CDH4: variants seen among roughly 807,000 people sequenced by gnomAD.
CDH4 encodes the protein cadherin 4, also known as cadherin-4.
In CDH4, 33 loss-of-function variants were observed where a neutral mutation model predicts 86.0. The ratio of observed to expected loss-of-function variants is 0.38; its 90% CI spans 0.29 to 0.51. The LOEUF (loss-of-function observed/expected upper bound fraction) is 0.51, where lower values mean the gene tolerates loss of function less well. CDH4 is among the 20% of genes least tolerant of loss of function. CDH4 has a pLI of 0.86. For synonymous variants in CDH4, 555 were observed against 549.4 expected (o/e 1.01, Z -0.14); for missense variants, 1,114 against 1,307.4 (o/e 0.85, Z 2.28).
At chr20:61,539,462 C>T (rs531011985) in intron 2 of CDH4, among the ~76,000 whole-genome samples, 3 of 152,326 alleles carry the variant, frequency 2.0e-5, no homozygotes, top group South Asian at 2.1e-4. Context: ...TGTGTCCTCA[C>T]GGAGTCGTCC....
intron 1 of CDH4, among the ~76,000 whole-genome samples, chr20:61,253,645 G>C (rs904689591): frequency 6.6e-6 from 1 of 152,184 alleles, no homozygotes. Flanking sequence ...GTGCGATTTG[G>C]AGCTTCGTGG....
chr20:61,296,273 G>A (rs1600843707), intron 2 of CDH4, among the ~76,000 whole-genome samples: 1 of 6,052 alleles, frequency 1.7e-4, no homozygotes, highest in Non-Finnish European at 1.0e-3. Flanking sequence ...GTGTGTGTGT[G>A]TGCGTGGGTG....
intron 3 of CDH4, among the ~76,000 whole-genome samples, chr20:61,746,054 G>C (rs1003347284): frequency 1.3e-5 from 2 of 152,086 alleles, no homozygotes; most frequent in African/African-American, 4.8e-5. Flanking sequence ...TCATGTCCCA[G>C]GCTCAGCGCA....
At chr20:61,340,292 G>A (rs1327253515) in intron 2 of CDH4, among the ~76,000 whole-genome samples, 3 of 152,202 alleles carry the variant, frequency 2.0e-5, no homozygotes, top group South Asian at 2.1e-4. Context: ...GGGAGATGGT[G>A]TTAGGTGAAC....
intron 4 of CDH4, among the ~76,000 whole-genome samples, chr20:61,777,985 C>T (rs969081653): frequency 5.9e-5 from 9 of 152,222 alleles, no homozygotes; most frequent in African/African-American, 1.7e-4. Flanking sequence ...CATCCACATG[C>T]ACACACACGT....
chr20:61,845,375 G>A (rs1165751855), intron 5 of CDH4, among the ~76,000 whole-genome samples: 1 of 152,264 alleles, frequency 6.6e-6, no homozygotes, highest in African/African-American at 2.4e-5. Flanking sequence ...TGCACGGAAA[G>A]AAATGCTAGA....
intron 2 of CDH4, among the ~76,000 whole-genome samples, chr20:61,398,749 G>T (rs2085032926): frequency 6.6e-6 from 1 of 152,190 alleles, no homozygotes; most frequent in Non-Finnish European, 1.5e-5. Context: ...GGGTACTGTG[G>T]CCTAGCCAAA....
At chr20:61,579,012 GTGC>G (rs1234224509) in intron 2 of CDH4, among the ~76,000 whole-genome samples, 3 of 152,220 alleles carry the variant, frequency 2.0e-5, no homozygotes, top group Admixed American at 6.5e-5. Context: ...CCCTGACCGT[GTGC>G]TGAGGGATGA....
At chr20:61,366,744 C>G (rs1007238509) in intron 2 of CDH4, among the ~76,000 whole-genome samples, 22 of 152,294 alleles carry the variant, frequency 1.4e-4, no homozygotes, top group African/African-American at 3.4e-4. Context: ...GTGTTCCTTG[C>G]CCTCATTCTG....
At chr20:61,504,648 C>T (rs988435201) in intron 2 of CDH4, among the ~76,000 whole-genome samples, 6 of 152,202 alleles carry the variant, frequency 3.9e-5, no homozygotes, top group African/African-American at 1.4e-4. Context: ...CCCAGCCCCT[C>T]GTTAAACATC....
At position 61,930,614 on chromosome 20, in the gene CDH4, C is replaced by T. The variant is rs577990062; in HGVS notation, c.2239+772C>T. ...AGGCCCCTCCTGCAGACCTGGCCTG[C>T]GGCTGACTTGAGACCCCAGGGACCA... On this transcript the variant is annotated intron_variant, in intron 13 of 15. Transcript: ENST00000614565. Among the ~76,000 whole-genome samples the T allele has an allele frequency of 2.1e-4, 32 of 152,304 alleles. No homozygotes were observed. In the South Asian group the frequency reaches 4.3e-3, roughly 21 times the overall value.
At chr20:61,565,289 A>ATGGTGGTGGCGGTGCTCT (rs1413097960) in intron 2 of CDH4, among the ~76,000 whole-genome samples, 1 of 18,610 alleles carries the variant, frequency 5.4e-5, no homozygotes, top group Non-Finnish European at 9.4e-5. Flanking sequence ...TGATGGGGTG[A>ATGGTGGTGGCGGTGCTCT]TGGTGGTGGC....
intron 2 of CDH4, among the ~76,000 whole-genome samples, chr20:61,398,128 T>C (rs140145460): frequency 6.6e-6 from 1 of 152,228 alleles, no homozygotes; most frequent in African/African-American, 2.4e-5. Flanking sequence ...CACGTTAGAA[T>C]TGAATGAGCA....
intron 2 of CDH4, among the ~76,000 whole-genome samples, chr20:61,454,267 A>C (rs747685155): frequency 2.0e-5 from 3 of 152,204 alleles, no homozygotes; most frequent in Non-Finnish European, 4.4e-5. Flanking sequence ...GTTTATACTC[A>C]AGACGGGGAG....
chr20:61,732,721 AC>A (rs2088208060), intron 2 of CDH4, among the ~76,000 whole-genome samples: 1 of 152,144 alleles, frequency 6.6e-6, no homozygotes, highest in East Asian at 1.9e-4. Context: ...CCGGGGGAGG[AC>A]CTCGGTGTGC....
chr20:61,788,788 C>T (rs927732508), intron 4 of CDH4, among the ~76,000 whole-genome samples: 6 of 152,184 alleles, frequency 3.9e-5, no homozygotes, highest in African/African-American at 1.4e-4. Flanking sequence ...GACTTCAGCT[C>T]AGAGAAACAA....
At chr20:61,594,715 G>T (rs1485976011) in intron 2 of CDH4, among the ~76,000 whole-genome samples, 1 of 152,198 alleles carries the variant, frequency 6.6e-6, no homozygotes, top group South Asian at 2.1e-4. Flanking sequence ...AGACTTCCAG[G>T]TTAGGCAGTG....
rs539480230 is a variant in CDH4, at chr20:61,730,759, A to G, written c.170-12804A>G. On this transcript the variant is annotated intron_variant, in intron 2 of 15. Transcript: ENST00000614565. Reference sequence around the variant, plus strand: ...GGAGACACTCGACTGCATCCCTGTGACTGCAGGAGGGACAGGAGCAGATGA... The same window carrying G: ...GGAGACACTCGACTGCATCCCTGTGGCTGCAGGAGGGACAGGAGCAGATGA... Among the ~76,000 whole-genome samples, 3 of 152,336 alleles carry G rather than the reference A, an allele frequency of 2.0e-5. No individual in the cohort carries two copies. The South Asian group carries it at 6.2e-4, about 32-fold the overall frequency.
chr20:61,640,433 G>C (rs2086993765), intron 2 of CDH4, among the ~76,000 whole-genome samples: 1 of 152,228 alleles, frequency 6.6e-6, no homozygotes, highest in Non-Finnish European at 1.5e-5. Flanking sequence ...CATTTTCCGA[G>C]TGTAGACCAA....
Sources: allele counts gnomAD v4.1 joint callset (sites outside exome capture counted in the v4.1 genomes callset), GRCh38; gene constraint gnomAD v4.1.1; transcripts MANE v1.5; gene names NCBI Gene and HGNC (gene_info 2026-07-23, HGNC 2026-07-21).